The following ASTN2 variants were observed in gnomAD, a reference collection of about 807,000 sequenced individuals.
ASTN2 encodes the protein astrotactin-2.
ASTN2 carries 54 observed loss-of-function variants against 139.8 expected under a neutral mutation model. That is an observed-to-expected ratio of 0.39 (90% CI 0.31 to 0.48). The LOEUF (loss-of-function observed/expected upper bound fraction) is 0.48, where lower values mean the gene tolerates loss of function less well. Among genes scored for constraint, ASTN2 ranks in the 20% least tolerant of loss-of-function variants. The pLI is 0.95. For synonymous variants in ASTN2, 756 were observed against 719.5 expected (o/e 1.05, Z -0.81); for missense variants, 1,565 against 1,725.1 (o/e 0.91, Z 1.64).
chr9:117,110,723 A>G (rs1279392674), intron 4 of ASTN2, among the ~76,000 whole-genome samples: 1 of 152,222 alleles, frequency 6.6e-6, no homozygotes, highest in Non-Finnish European at 1.5e-5. Context: ...AAGTAGAGGA[A>G]GTAGCCAGCA....
intron 5 of ASTN2, among the ~76,000 whole-genome samples, chr9:117,060,069 G>A (rs1839194996): frequency 6.6e-6 from 1 of 152,054 alleles, no homozygotes; most frequent in Admixed American, 6.6e-5. Flanking sequence ...CCAGCACTTT[G>A]CGAGGCCAAG....
intron 11 of ASTN2, among the ~76,000 whole-genome samples, chr9:116,859,903 C>A (rs1201044750): frequency 6.6e-6 from 1 of 152,246 alleles, no homozygotes; most frequent in East Asian, 1.9e-4. Flanking sequence ...TCAGATCCTC[C>A]AGGTGGAACT....
At chr9:116,834,169 T>C (rs1831912685) in intron 11 of ASTN2, among the ~76,000 whole-genome samples, 1 of 152,222 alleles carries the variant, frequency 6.6e-6, no homozygotes, top group Admixed American at 6.5e-5. Context: ...CTCCATACAA[T>C]TTGAATCTTA....
intron 1 of ASTN2, among the ~76,000 whole-genome samples, chr9:117,344,604 A>G (rs1274040174): frequency 6.6e-6 from 1 of 152,186 alleles, no homozygotes; most frequent in African/African-American, 2.4e-5. Context: ...AATCATGGAC[A>G]ACATAGCAGC....
chr9:117,118,496 C>T (rs1829459947), intron 4 of ASTN2, among the ~76,000 whole-genome samples: 1 of 152,186 alleles, frequency 6.6e-6, no homozygotes, highest in Non-Finnish European at 1.5e-5. Flanking sequence ...GTCTATTTTA[C>T]CACAAAATGG....
chr9:116,988,615 A>G (rs1836750549), intron 7 of ASTN2, among the ~76,000 whole-genome samples: 1 of 152,160 alleles, frequency 6.6e-6, no homozygotes, highest in Non-Finnish European at 1.5e-5. Flanking sequence ...CAGTTCATAT[A>G]GCAAGAAAGC....
At chr9:117,095,755 T>C (rs1170038845) in intron 5 of ASTN2, among the ~76,000 whole-genome samples, 1 of 152,224 alleles carries the variant, frequency 6.6e-6, no homozygotes, top group Non-Finnish European at 1.5e-5. Flanking sequence ...TTAATATGAT[T>C]AGTTATTTCA....
chr9:117,102,458 G>A (rs1482489397), intron 4 of ASTN2, among the ~76,000 whole-genome samples: 1 of 152,174 alleles, frequency 6.6e-6, no homozygotes, highest in Non-Finnish European at 1.5e-5. Context: ...GAACTGGACA[G>A]AGGTGATGGC....
intron 2 of ASTN2, among the ~76,000 whole-genome samples, chr9:117,250,615 C>G (rs1833511034): frequency 6.6e-6 from 1 of 152,126 alleles, no homozygotes; most frequent in African/African-American, 2.4e-5. Context: ...TAGGTTGGTA[C>G]AAAAGTAATC....
chr9:116,469,288 TC>T (rs1331998333), intron 20 of ASTN2, among the ~76,000 whole-genome samples: 1 of 152,018 alleles, frequency 6.6e-6, no homozygotes, highest in East Asian at 1.9e-4. Flanking sequence ...GCTAAAAACT[TC>T]CTTGCTCTCT....
chr9:117,017,964 A>AAT (rs1324670701), intron 6 of ASTN2, among the ~76,000 whole-genome samples: 3 of 151,322 alleles, frequency 2.0e-5, no homozygotes, highest in African/African-American at 4.9e-5. Context: ...TCATTAAAAA[A>AAT]AAAAAAAAGT....
intron 1 of ASTN2, among the ~76,000 whole-genome samples, chr9:117,310,558 C>T (rs1827942716): frequency 6.6e-6 from 1 of 152,094 alleles, no homozygotes; most frequent in Non-Finnish European, 1.5e-5. Context: ...AGCCCTTAGC[C>T]AAGGACAGAT....
chr9:116,435,173 G>C (rs1181859321), intron 22 of ASTN2, among the ~76,000 whole-genome samples: 2 of 152,168 alleles, frequency 1.3e-5, no homozygotes, highest in Admixed American at 6.5e-5. Context: ...AGCTGGAAGA[G>C]ACTTTGGAGT....
intron 19 of ASTN2, among the ~76,000 whole-genome samples, chr9:116,536,768 TA>T (rs1190271457): frequency 2.0e-5 from 3 of 152,216 alleles, no homozygotes; most frequent in Non-Finnish European, 4.4e-5. Flanking sequence ...CTGCCCCTAC[TA>T]GGGGGTGCCT....
chr9:117,256,970 G>GAA (rs376274136), intron 2 of ASTN2, among the ~76,000 whole-genome samples: 3 of 146,362 alleles, frequency 2.0e-5, no homozygotes, highest in South Asian at 4.3e-4. Context: ...TGTTTAGCTG[G>GAA]AAAAAAAAAA....
intron 4 of ASTN2, among the ~76,000 whole-genome samples, chr9:117,134,282 A>G (rs1236076495): frequency 2.6e-5 from 2 of 76,100 alleles, no homozygotes; most frequent in Admixed American, 2.7e-4. Context: ...ATATATATAT[A>G]TATATATATA....
chr9:116,900,517 C>T (rs1833981717), intron 10 of ASTN2, among the ~76,000 whole-genome samples: 1 of 152,074 alleles, frequency 6.6e-6, no homozygotes, highest in Admixed American at 6.5e-5. Context: ...AGCTATATTC[C>T]TAGGCTTAAC....
chr9:117,105,101 C>T (rs1348499212), intron 4 of ASTN2, among the ~76,000 whole-genome samples: 2 of 152,050 alleles, frequency 1.3e-5, no homozygotes, highest in Non-Finnish European at 2.9e-5. Flanking sequence ...CCTGCCTTAT[C>T]TTTTGCAATG....
At chr9:117,374,483 C>A (rs1327383309) in intron 1 of ASTN2, among the ~76,000 whole-genome samples, 1 of 151,544 alleles carries the variant, frequency 6.6e-6, no homozygotes, top group Non-Finnish European at 1.5e-5. Flanking sequence ...TAATCTGGAC[C>A]ACAATAACTC....
Sources: gnomAD v4.1 joint callset for allele counts (sites outside exome capture counted in the v4.1 genomes callset) on GRCh38, gnomAD v4.1.1 for gene constraint, MANE v1.5 for transcripts, NCBI Gene and HGNC (gene_info 2026-07-23, HGNC 2026-07-21) for gene names.